UPP2: variants seen among roughly 807,000 people sequenced by gnomAD.
The protein encoded by UPP2 is uridine phosphorylase 2.
Under a neutral mutation model 26.7 loss-of-function variants are expected in UPP2, and 23 were observed. The ratio of observed to expected loss-of-function variants is 0.86; its 90% CI spans 0.62 to 1.22. UPP2 has a LOEUF of 1.22. Ranked by LOEUF, UPP2 falls within the 50% of genes most tolerant of loss-of-function variation. UPP2 has a pLI of 0.00. For missense variants in UPP2, 387 were observed against 396.7 expected (o/e 0.98, Z 0.21); for synonymous variants, 127 against 141.3 (o/e 0.90, Z 0.72).
chr2:158,121,519 G>A lies in UPP2; in HGVS notation c.565G>A (p.Asp189Asn), dbSNP rs1683566580. The change falls in exon 5 of 7, where the codon GAC (aspartate) becomes AAC (asparagine). Residue 189 changes from aspartate (D) to asparagine (N), a missense_variant. Transcript: ENST00000005756. ...CATTGTCACCCGAAGTACTGAACTG[G>A]ACAAAGAACTGTCTGAAGAACTGTT... ...DNIVTRSTEL[D>N]KELSEELFNC... The A allele has an allele frequency of 6.2e-7, 1 of 1,613,368 alleles. No homozygotes were observed. The highest frequency in any genetic ancestry group is 1.3e-5 in the African/African-American group (1 of 74,870).
chr2:158,035,114 G>A (rs1047052894), intron 3 of UPP2, among the ~76,000 whole-genome samples: 4 of 151,860 alleles, frequency 2.6e-5, no homozygotes, highest in Non-Finnish European at 4.4e-5. Context: ...CAGAGGATAC[G>A]TAGAGATATA....
intron 2 of UPP2, among the ~76,000 whole-genome samples, chr2:158,109,982 T>A (rs1485619578): frequency 1.3e-5 from 2 of 152,206 alleles, no homozygotes; most frequent in African/African-American, 4.8e-5. Context: ...ATTTATAGAA[T>A]TAAAGGCTAA....
intron 3 of UPP2, among the ~76,000 whole-genome samples, chr2:158,062,664 G>A (rs867972458): frequency 6.6e-6 from 1 of 152,178 alleles, no homozygotes; most frequent in Non-Finnish European, 1.5e-5. Context: ...TTGGGTCCAG[G>A]AGGGCAGGAA....
intron 3 of UPP2, among the ~76,000 whole-genome samples, chr2:158,074,846 A>G (rs1222549094): frequency 2.0e-5 from 3 of 148,672 alleles, no homozygotes; most frequent in African/African-American, 7.4e-5. Context: ...TTTTTTTTTT[A>G]AAAGACCAAT....
chr2:158,113,507 C>G (rs1331644662), intron 2 of UPP2, among the ~76,000 whole-genome samples: 2 of 152,144 alleles, frequency 1.3e-5, no homozygotes, highest in African/African-American at 4.8e-5. Flanking sequence ...ATCAGAGAAA[C>G]TCATAAGAAG....
At chr2:158,059,878 C>G (rs1682326481) in intron 3 of UPP2, among the ~76,000 whole-genome samples, 1 of 152,132 alleles carries the variant, frequency 6.6e-6, no homozygotes, top group Admixed American at 6.5e-5. Flanking sequence ...TTCAAAGGAT[C>G]TTCTTGGTCT....
At chr2:158,035,115 T>C (rs1412512396) in intron 3 of UPP2, among the ~76,000 whole-genome samples, 1 of 152,040 alleles carries the variant, frequency 6.6e-6, no homozygotes, top group Non-Finnish European at 1.5e-5. Flanking sequence ...AGAGGATACG[T>C]AGAGATATAA....
rs1281005584 is a variant in UPP2, at chr2:158,082,388, T to C, written c.148-19652T>C. The stretch of plus-strand genomic sequence containing the variant: ...TCTTTCCCTAAGTCCCTAAAGTCCA[T>C]TGTATGATTCTTAGGCCTTTGCATC... On this transcript the variant is annotated intron_variant, in intron 3 of 9. Transcript: ENST00000605860. Among the ~76,000 whole-genome samples the C allele has an allele frequency of 2.6e-5, 4 of 152,310 alleles. No homozygotes were observed. In the East Asian group the frequency reaches 5.8e-4, roughly 22 times the overall value.
intron 3 of UPP2, among the ~76,000 whole-genome samples, chr2:158,058,292 CAAAAAAAAAAAAAAAAAAAA>C (rs57994785): frequency 1.3e-4 from 5 of 38,806 alleles, no homozygotes; most frequent in Non-Finnish European, 2.1e-4. Context: ...GACTCCGTCT[CAAAAAAAAAAAAAAAAAAAA>C]AAAAAAAAAA....
chr2:158,077,449 A>G (rs569123392), intron 3 of UPP2, among the ~76,000 whole-genome samples: 1 of 152,332 alleles, frequency 6.6e-6, no homozygotes, highest in Admixed American at 6.5e-5. Flanking sequence ...ACAGACACAT[A>G]GACCAATGGA....
At chr2:158,048,157 G>A (rs931178683) in intron 3 of UPP2, among the ~76,000 whole-genome samples, 2 of 152,212 alleles carry the variant, frequency 1.3e-5, no homozygotes, top group African/African-American at 4.8e-5. Flanking sequence ...AAGGACACAA[G>A]TTTTTGCAAG....
chr2:158,065,794 G>A, intron 3 of UPP2: 1 of 700,854 alleles, frequency 1.4e-6, no homozygotes, highest in African/African-American at 1.8e-5. Context: ...ATTGATGACT[G>A]GTTAAGTCTT....
At chr2:158,126,955 A>C (rs1312315046) in intron 6 of UPP2, among the ~76,000 whole-genome samples, 1 of 152,174 alleles carries the variant, frequency 6.6e-6, no homozygotes, top group Admixed American at 6.5e-5. Flanking sequence ...AACCAATCAG[A>C]ATTCATACTA....
In UPP2 at chr2:158,115,220, A is replaced by C. The variant is rs1219707240; in HGVS notation, c.300A>C (p.Arg100Ser). ...AAGACATCTGTGCTGGGACAGACAG[A>C]TACTGTATGTACAAAACCGGGCCTG... ...DIKDICAGTD[R>S]YCMYKTGPVL... The change falls in exon 3 of 7, where the codon AGA becomes AGC. Residue 100 changes from arginine to serine, a missense_variant. Coordinates refer to ENST00000005756, the MANE Select transcript of UPP2 (RefSeq NM_173355.4). 1 of 1,613,358 alleles carries C rather than the reference A, an allele frequency of 6.2e-7. No individual in the cohort carries two copies. Among genetic ancestry groups the C allele is most frequent in the Non-Finnish European group, 8.5e-7 (1 of 1,179,670 alleles).
chr2:158,093,222 A>G (rs1682936198), intron 3 of UPP2, among the ~76,000 whole-genome samples: 1 of 152,018 alleles, frequency 6.6e-6, no homozygotes, highest in African/African-American at 2.4e-5. Context: ...CGCCCAGCAC[A>G]GAGAACTTAA....
At chr2:158,068,575 C>T (rs1574272943) in intron 3 of UPP2, among the ~76,000 whole-genome samples, 1 of 151,242 alleles carries the variant, frequency 6.6e-6, no homozygotes, top group Non-Finnish European at 1.5e-5. Context: ...GCAGAAGTAG[C>T]CATTTAAGCA....
chr2:158,055,254 G>T (rs1682228771), intron 3 of UPP2, among the ~76,000 whole-genome samples: 1 of 152,024 alleles, frequency 6.6e-6, no homozygotes, highest in South Asian at 2.1e-4. Flanking sequence ...TGCTGGTTCG[G>T]GTCTCTTTTA....
At chr2:158,058,351 G>A (rs1384735153) in intron 3 of UPP2, among the ~76,000 whole-genome samples, 2 of 120,704 alleles carry the variant, frequency 1.7e-5, no homozygotes, top group Non-Finnish European at 3.4e-5. Context: ...AGACGCAAGG[G>A]AGCAAGGGAG....
At chr2:158,012,295 G>T (rs1683593435) in intron 2 of UPP2, among the ~76,000 whole-genome samples, 1 of 143,492 alleles carries the variant, frequency 7.0e-6, no homozygotes, top group African/African-American at 2.6e-5. Context: ...TTTTGAGAGG[G>T]GGTCTCCAGT....
Sources: allele counts gnomAD v4.1 joint callset (sites outside exome capture counted in the v4.1 genomes callset), GRCh38; gene constraint gnomAD v4.1.1; transcripts MANE v1.5; gene names NCBI Gene and HGNC (gene_info 2026-07-23, HGNC 2026-07-21).